The following TRAPPC10 variants were observed in gnomAD, a reference collection of about 807,000 sequenced individuals.
The protein encoded by TRAPPC10 is TRAPP 130 kDa subunit.
TRAPPC10 carries 23 observed loss-of-function variants against 125.5 expected under a neutral mutation model. That is an observed-to-expected ratio of 0.18 (90% confidence interval 0.13 to 0.26). TRAPPC10 has a LOEUF of 0.26. Among genes scored for constraint, TRAPPC10 ranks in the 10% least tolerant of loss-of-function variants. The probability of loss-of-function intolerance (pLI) is 1.00; values close to 1 mark genes in which losing one functional copy is unlikely to be tolerated. For missense variants in TRAPPC10, 1,123 were observed against 1,308.4 expected, an observed-to-expected ratio of 0.86 and a Z score of 2.19; for synonymous variants, 509 against 518.0, an observed-to-expected ratio of 0.98 and a Z score of 0.24.
At chr21:44,061,370 G>A (rs539952300) in intron 6 of TRAPPC10, among the ~76,000 whole-genome samples, 10 of 152,038 alleles carry the variant, frequency 6.6e-5, no homozygotes, top group African/African-American at 2.2e-4. Context: ...CGATCTCCTC[G>A]TGATCTGCCC....
chr21:44,090,073 A>C (rs984895579), intron 18 of TRAPPC10, 140 bp downstream of exon 18: 1 of 609,382 alleles, frequency 1.6e-6, no homozygotes, highest in African/African-American at 1.9e-5. Context: ...TGTGTCTTAA[A>C]ATCCACAATT....
At chr21:44,078,267 G>T (rs568910794) in intron 11 of TRAPPC10, among the ~76,000 whole-genome samples, 9 of 152,088 alleles carry the variant, frequency 5.9e-5, no homozygotes, top group Non-Finnish European at 1.0e-4. Flanking sequence ...TTCCATTCCA[G>T]CTCCAGCTTT....
chr21:44,087,060 C>A lies in TRAPPC10; in HGVS notation c.2539+100C>A. On this transcript the variant is annotated intron_variant, in intron 16 of 22. Transcript: ENST00000291574. This position sits in a 1 kb window ranked among gnomAD's most constrained non-coding sequence, Gnocchi z 4.6. ...GGCCTTGCTGCCATCCTGCTGAGCG[C>A]CCCTCAACAGTGTCTGGAGTCCGTG... 1 of 1,392,992 alleles carries A rather than the reference C, an allele frequency of 7.2e-7. No homozygotes were observed. Among genetic ancestry groups the A allele is most frequent in the Non-Finnish European group, 9.9e-7 (1 of 1,014,926 alleles). 86.3% of individuals were successfully genotyped at this position (1,392,992 alleles called of 1,614,324 possible).
intron 6 of TRAPPC10, chr21:44,062,712 G>A (rs2036149723): frequency 1.0e-6 from 1 of 985,344 alleles, no homozygotes; most frequent in African/African-American, 1.7e-5. Flanking sequence ...GGATGCTGGT[G>A]CAGGGGCTGG....
chr21:44,065,932 C>G (rs1367694468), intron 7 of TRAPPC10, among the ~76,000 whole-genome samples: 2 of 152,186 alleles, frequency 1.3e-5, no homozygotes, highest in Non-Finnish European at 2.9e-5. Flanking sequence ...AACTTCCGGG[C>G]TCAAGTGATC....
intron 3 of TRAPPC10, among the ~76,000 whole-genome samples, chr21:44,045,972 TG>T (rs1317744849): frequency 6.6e-6 from 1 of 151,944 alleles, no homozygotes. Flanking sequence ...TTCTTTTTTG[TG>T]GGGGTGGATA....
intron 1 of TRAPPC10, among the ~76,000 whole-genome samples, chr21:44,023,165 TG>T: frequency 1.3e-5 from 2 of 151,058 alleles, no homozygotes; most frequent in Middle Eastern, 3.4e-3. Context: ...CCCGAGTAGC[TG>T]GGACTACAGG....
At position 44,077,798 on chromosome 21, in the gene TRAPPC10, T is replaced by TTTGAATTCTAA; in HGVS notation, c.1469+14_1469+15insTTGAATTCTAA. On this transcript the variant is annotated intron_variant, in intron 11 of 22. Coordinates refer to ENST00000291574, the MANE Select transcript of TRAPPC10 (RefSeq NM_003274.5). ...AGAGTTTTACATGTAATTGATTTTG[T>TTTGAATTCTAA]ACTTTTCTTTGAATTCTAAACATAC... The TTTGAATTCTAA allele has an allele frequency of 6.3e-7, 1 of 1,586,066 alleles. No individual in the cohort carries two copies. Among genetic ancestry groups the TTTGAATTCTAA allele is most frequent in the Non-Finnish European group, 8.6e-7 (1 of 1,156,706 alleles).
intron 1 of TRAPPC10, among the ~76,000 whole-genome samples, chr21:44,026,552 A>G (rs987771802): frequency 2.0e-5 from 3 of 152,188 alleles, no homozygotes; most frequent in Non-Finnish European, 4.4e-5. Flanking sequence ...GCCCTCTCTA[A>G]TCCCGTGTTT....
At chr21:44,062,660 A>G (rs1601712095) in intron 6 of TRAPPC10, 1 of 982,438 alleles carries the variant, frequency 1.0e-6, no homozygotes, top group Non-Finnish European at 1.2e-6. Context: ...GGGCTGGGCC[A>G]GCGGGTCCAC....
chr21:44,046,844 A>G (rs987896526), intron 3 of TRAPPC10: 3 of 682,046 alleles, frequency 4.4e-6, no homozygotes, highest in East Asian at 3.0e-5. Context: ...TGCCAGTTCA[A>G]GTCCCTCTGC....
chr21:44,086,365 C>T (rs1369046722), intron 15 of TRAPPC10, among the ~76,000 whole-genome samples: 1 of 152,308 alleles, frequency 6.6e-6, no homozygotes, highest in East Asian at 1.9e-4. Context: ...CCCAAAAGCC[C>T]GTGGCCTGAA....
chr21:44,014,593 G>GTT (rs374497169), intron 1 of TRAPPC10, among the ~76,000 whole-genome samples: 37,509 of 136,570 alleles, frequency 0.27, 6,103 homozygotes, highest in African/African-American at 0.46. Flanking sequence ...GTTTGTTTTT[G>GTT]TTTTTTTTTT....
chr21:44,087,553 G>A lies in TRAPPC10; in HGVS notation c.2540-146G>A, dbSNP rs2038228340. 1 of 687,374 alleles carries A rather than the reference G, an allele frequency of 1.5e-6. No individual in the cohort carries two copies. The highest frequency in any genetic ancestry group is 2.5e-6 in the Non-Finnish European group (1 of 393,824). The allele number at this position is 687,374 out of a possible 1,614,324, so 42.6% of individuals were successfully genotyped here. ...CACACAGGGCTGCTCTGTCCTAGGG[G>A]CCTTGTTCTTGGGTTTGCCTGCCAG... On this transcript the variant is annotated intron_variant, in intron 16 of 22. Coordinates refer to ENST00000291574, the MANE Select transcript of TRAPPC10 (RefSeq NM_003274.5). This position sits in a 1 kb window ranked among gnomAD's most constrained non-coding sequence, Gnocchi z 4.6.
intron 1 of TRAPPC10, among the ~76,000 whole-genome samples, chr21:44,016,911 T>C (rs1047703622): frequency 2.6e-5 from 4 of 152,194 alleles, no homozygotes; most frequent in African/African-American, 7.2e-5. Context: ...CGCCTCAGCC[T>C]CCCAAAGTGC....
intron 1 of TRAPPC10, among the ~76,000 whole-genome samples, chr21:44,028,521 G>A (rs1420797153): frequency 6.6e-6 from 1 of 152,210 alleles, no homozygotes; most frequent in Non-Finnish European, 1.5e-5. Context: ...AGGGATCCAT[G>A]GCACCCCAGC....
At chr21:44,067,186 G>A (rs1285656431) in intron 7 of TRAPPC10, among the ~76,000 whole-genome samples, 6 of 152,240 alleles carry the variant, frequency 3.9e-5, no homozygotes, top group East Asian at 1.9e-4. Context: ...ATGGGACGCC[G>A]TCGGAGTTAG....
intron 5 of TRAPPC10, among the ~76,000 whole-genome samples, chr21:44,057,650 T>C (rs766721006): frequency 2.6e-5 from 4 of 152,188 alleles, no homozygotes; most frequent in Admixed American, 6.5e-5. Context: ...AATCAAAATT[T>C]AAAAGAAAAA....
intron 7 of TRAPPC10, among the ~76,000 whole-genome samples, chr21:44,073,218 TC>T (rs997253746): frequency 7.9e-5 from 12 of 152,352 alleles, no homozygotes; most frequent in African/African-American, 2.6e-4. Flanking sequence ...CTTTGGTTCT[TC>T]CTTGTTGGTT....
Sources: gnomAD v4.1 joint callset for allele counts (sites outside exome capture counted in the v4.1 genomes callset) on GRCh38, gnomAD v4.1.1 for gene constraint, Gnocchi (gnomAD v3.1) non-coding constraint, MANE v1.5 for transcripts, NCBI Gene and HGNC (gene_info 2026-07-23, HGNC 2026-07-21) for gene names.